CEP70: variants seen among roughly 807,000 people sequenced by gnomAD.
The protein encoded by CEP70 is centrosomal protein 70, also known as centrosomal protein of 70 kDa.
In CEP70, 70 loss-of-function variants were observed where a neutral mutation model predicts 90.9. That is an observed-to-expected ratio of 0.77 (90% CI 0.64 to 0.94). The LOEUF is 0.94. Among genes scored for constraint, CEP70 ranks in the 40% least tolerant of loss-of-function variants. CEP70 has a pLI of 0.00. For missense variants in CEP70, 648 were observed against 669.0 expected, an observed-to-expected ratio of 0.97 and a Z score of 0.35; for synonymous variants, 220 against 228.3, an observed-to-expected ratio of 0.96 and a Z score of 0.33.
At chr3:138,507,695 A>G (rs1361887475) in intron 12 of CEP70, among the ~76,000 whole-genome samples, 1 of 152,192 alleles carries the variant, frequency 6.6e-6, no homozygotes, top group African/African-American at 2.4e-5. Flanking sequence ...GTACGAGTAT[A>G]AATGAGTGAC....
chr3:138,512,555 A>G (rs1342547569), intron 11 of CEP70, among the ~76,000 whole-genome samples: 3 of 152,176 alleles, frequency 2.0e-5, no homozygotes, highest in Non-Finnish European at 4.4e-5. Flanking sequence ...CCTGAAAGAT[A>G]ATAAAAATCC....
chr3:138,507,159 G>A (rs1425777107), intron 12 of CEP70, among the ~76,000 whole-genome samples: 2 of 152,078 alleles, frequency 1.3e-5, no homozygotes, highest in Non-Finnish European at 2.9e-5. Context: ...AAAGGTGCTT[G>A]GTTCCCATTT....
chr3:138,570,555 A>C lies in CEP70; in HGVS notation c.285-57T>G, dbSNP rs915352422. On this transcript the variant is annotated intron_variant, in intron 5 of 17. Coordinates refer to ENST00000264982, the MANE Select transcript of CEP70 (RefSeq NM_024491.4). ...AGTATTAAAAATAAATCGAATTACC[A>C]AGCATATCCATATAAGAATGTATTG... 9.4e-5 allele frequency: 125 copies of C among 1,333,138 alleles called. 1 individual carries two copies. The highest frequency in any genetic ancestry group is 1.2e-4 in the Non-Finnish European group (119 of 956,408). The allele number at this position is 1,333,138 out of a possible 1,614,324, so 82.6% of individuals were successfully genotyped here. A position where few individuals can be genotyped will look rare whatever the true frequency, so the allele number is the denominator to read the frequency against.
At chr3:138,537,052 G>T in intron 7 of CEP70, 126 bp downstream of exon 7, 5 of 461,624 alleles carry the variant, frequency 1.1e-5, no homozygotes, top group Non-Finnish European at 1.4e-5. Context: ...CAATGCAGAA[G>T]AGGAGGAGAG....
chr3:138,565,759 G>A (rs888066689), intron 6 of CEP70, among the ~76,000 whole-genome samples: 3 of 152,170 alleles, frequency 2.0e-5, no homozygotes, highest in African/African-American at 4.8e-5. Context: ...GAGGACACAG[G>A]AATGGGCTAA....
chr3:138,501,136 A>G (rs1468102922), intron 13 of CEP70, among the ~76,000 whole-genome samples: 1 of 152,044 alleles, frequency 6.6e-6, no homozygotes, highest in Non-Finnish European at 1.5e-5. Context: ...AAAACATTAT[A>G]TATTGATTAT....
rs570791445 is a variant in CEP70 at position 138,588,192 on chromosome 3, C to T, written c.-6+3662G>A. Among the ~76,000 whole-genome samples, 134 of 152,228 alleles carry T rather than the reference C, an allele frequency of 8.8e-4. 1 individual carries two copies. The highest frequency in any genetic ancestry group is 3.1e-3 in the African/African-American group (129 of 41,538). ...ACTGTATGGCCTTGAGTTAGGCAAACATGTCTATGATATGACACCAAAAGC... is the reference window on the plus strand; with the variant it reads ...ACTGTATGGCCTTGAGTTAGGCAAATATGTCTATGATATGACACCAAAAGC... On this transcript the variant is annotated intron_variant, in intron 2 of 17. Transcript: ENST00000264982.
At chr3:138,514,543 A>C (rs2035829661) in intron 11 of CEP70, among the ~76,000 whole-genome samples, 1 of 152,128 alleles carries the variant, frequency 6.6e-6, no homozygotes, top group African/African-American at 2.4e-5. Flanking sequence ...TAGTACTTTG[A>C]AAAAATATTC....
At chr3:138,512,013 T>C (rs1395971373) in intron 11 of CEP70, among the ~76,000 whole-genome samples, 2 of 152,124 alleles carry the variant, frequency 1.3e-5, no homozygotes, top group African/African-American at 4.8e-5. Flanking sequence ...AAAACAATAA[T>C]TGGTGCCTCA....
chr3:138,514,431 T>C (rs181915814), intron 11 of CEP70, among the ~76,000 whole-genome samples: 131 of 152,312 alleles, frequency 8.6e-4, no homozygotes, highest in African/African-American at 3.0e-3. Flanking sequence ...TTGAATCTGA[T>C]TGAATTCAGT....
intron 6 of CEP70, among the ~76,000 whole-genome samples, chr3:138,547,142 G>C (rs1627744): frequency 0.99 from 151,054 of 152,322 alleles, 74,920 homozygotes; most frequent in East Asian, 1. Flanking sequence ...AGAAGCCAGG[G>C]AGGACCTCTG....
At chr3:138,579,463 C>T (rs2041734541) in intron 2 of CEP70, among the ~76,000 whole-genome samples, 4 of 151,696 alleles carry the variant, frequency 2.6e-5, no homozygotes, top group Non-Finnish European at 1.5e-5. Flanking sequence ...ACCTTTCCTT[C>T]TGCTTGAGAA....
chr3:138,552,891 C>T (rs1316912984), intron 6 of CEP70, among the ~76,000 whole-genome samples: 2 of 151,998 alleles, frequency 1.3e-5, no homozygotes, highest in East Asian at 3.9e-4. Flanking sequence ...AAACAAAAAG[C>T]TGGTTCCTTG....
rs142895803 is a variant in CEP70 at position 138,574,895 on chromosome 3, A to G, written c.-5-1963T>C. ...AAGGAAAACTAACAAACAGAAAGGA[A>G]AAGCATCAACATTAACAAAAAGGAC... On this transcript the variant is annotated intron_variant, in intron 2 of 17. Coordinates refer to ENST00000264982, the MANE Select transcript of CEP70 (RefSeq NM_024491.4). Among the ~76,000 whole-genome samples, 602 of 152,342 alleles carry G rather than the reference A, an allele frequency of 4.0e-3. 3 individuals carry two copies. Among genetic ancestry groups the G allele is most frequent in the African/African-American group, 0.014 (579 of 41,584 alleles).
intron 6 of CEP70, among the ~76,000 whole-genome samples, chr3:138,552,210 G>A (rs2039670354): frequency 1.3e-5 from 2 of 152,072 alleles, no homozygotes; most frequent in Non-Finnish European, 2.9e-5. Context: ...GAGATAGACA[G>A]CAACACAATA....
At chr3:138,496,740 C>T in intron 17 of CEP70, 3 of 985,348 alleles carry the variant, frequency 3.0e-6, no homozygotes, top group Non-Finnish European at 3.6e-6. Flanking sequence ...ATTTAACTTT[C>T]CCAATGTTAA....
At chr3:138,495,652 G>A (rs34607531) in intron 17 of CEP70, among the ~76,000 whole-genome samples, 2 of 152,106 alleles carry the variant, frequency 1.3e-5, no homozygotes, top group Non-Finnish European at 2.9e-5. Flanking sequence ...AGGAGTTTAA[G>A]ACCAGCCTGG....
At position 138,571,054 on chromosome 3, in the gene CEP70, T is replaced by C. The variant is rs1410139717; in HGVS notation, c.264A>G (p.Ile88Met). ...CTCACCTAAGCTGTTGATTAGTTTCTATAAGCTCCTGTATCATGTTCTGTT... is the reference window on the plus strand; with the variant it reads ...CTCACCTAAGCTGTTGATTAGTTTCCATAAGCTCCTGTATCATGTTCTGTT... ...SCQQNMIQEL[I>M]ETNQQLRNEL... The change falls in exon 5 of 18, where the codon ATA becomes ATG. Residue 88 changes from isoleucine to methionine, a missense_variant. Transcript: ENST00000264982. 1.3e-6 allele frequency: 2 copies of C among 1,598,856 alleles called. No homozygotes were observed. The highest frequency in any genetic ancestry group is 4.5e-5 in the East Asian group (2 of 44,484).
chr3:138,529,609 A>C, intron 8 of CEP70, 147 bp from the exon 9 acceptor site: 1 of 613,046 alleles, frequency 1.6e-6, no homozygotes. Context: ...GAATGGTATT[A>C]GAACACTACT....
Sources: allele counts gnomAD v4.1 joint callset (sites outside exome capture counted in the v4.1 genomes callset), GRCh38; gene constraint gnomAD v4.1.1; transcripts MANE v1.5; gene names NCBI Gene and HGNC (gene_info 2026-07-23, HGNC 2026-07-21).